Variants in AGMO observed in about 807,000 individuals in gnomAD.
AGMO encodes the protein alkylglycerol monooxygenase.
AGMO carries 75 observed loss-of-function variants against 60.2 expected under a neutral mutation model. The ratio of observed to expected loss-of-function variants is 1.25; its 90% CI spans 1.03 to 1.51. The LOEUF (loss-of-function observed/expected upper bound fraction) is 1.51. AGMO is among the 40% of genes most tolerant of loss of function. The pLI, the probability that AGMO is intolerant of heterozygous loss-of-function variation, is 0.00. For missense variants in AGMO, 763 were observed against 525.5 expected (o/e 1.45, Z -4.42); for synonymous variants, 261 against 177.1 (o/e 1.47, Z -3.76).
chr7:15,321,051 A>G (rs952186439), intron 12 of AGMO, among the ~76,000 whole-genome samples: 1 of 152,140 alleles, frequency 6.6e-6, no homozygotes, highest in African/African-American at 2.4e-5. Flanking sequence ...TGAGAGGACT[A>G]TTTCATACAA....
the AGMO span, among the ~76,000 whole-genome samples, chr7:15,158,869 A>G: frequency 6.6e-6 from 1 of 152,206 alleles, no homozygotes; most frequent in Non-Finnish European, 1.5e-5. Context: ...ATAAAAATCA[A>G]GGCTGCAAGT....
chr7:15,344,754 A>C (rs1781973865), intron 12 of AGMO, among the ~76,000 whole-genome samples: 2 of 152,138 alleles, frequency 1.3e-5, no homozygotes, highest in Non-Finnish European at 2.9e-5. Context: ...CTCTCAAGAG[A>C]AGACTTTTCC....
At chr7:15,317,546 T>G (rs995177721) in intron 12 of AGMO, among the ~76,000 whole-genome samples, 1 of 152,152 alleles carries the variant, frequency 6.6e-6, no homozygotes, top group Non-Finnish European at 1.5e-5. Flanking sequence ...CCTAACCTAT[T>G]GGTTTGTCTA....
intron 3 of AGMO, among the ~76,000 whole-genome samples, chr7:15,476,629 T>G: frequency 6.6e-6 from 1 of 152,146 alleles, no homozygotes. Flanking sequence ...CTGTTTAATT[T>G]GCAGTCTCTA....
At chr7:15,237,253 T>C (rs748909252) in intron 12 of AGMO, among the ~76,000 whole-genome samples, 1 of 152,170 alleles carries the variant, frequency 6.6e-6, no homozygotes, top group Non-Finnish European at 1.5e-5. Context: ...TACCATGTTA[T>C]ATGTTCTTTC....
rs537435327 is a variant in AGMO at position 15,280,095 on chromosome 7, T to C, written c.1264-78736A>G. ...CAGGGGGTGAGTGAGAAGCCTACTGTAGCCACGAGCACAGAAATTGGGCAC... is the reference window on the plus strand; with the variant it reads ...CAGGGGGTGAGTGAGAAGCCTACTGCAGCCACGAGCACAGAAATTGGGCAC... On this transcript the variant is annotated intron_variant, in intron 12 of 12. Transcript: ENST00000342526. 1.3e-4 allele frequency among the ~76,000 whole-genome samples: 20 copies of C among 152,248 alleles called. No homozygotes were observed. In the South Asian group the frequency reaches 4.1e-3, roughly 32 times the overall value.
At chr7:15,247,457 C>CAGAGAGAGAGAGAG (rs1264615405) in intron 12 of AGMO, among the ~76,000 whole-genome samples, 3 of 119,410 alleles carry the variant, frequency 2.5e-5, no homozygotes, top group African/African-American at 1.0e-4. Flanking sequence ...CACACACACA[C>CAGAGAGAGAGAGAG]ACAGAGAGAG....
intron 3 of AGMO, among the ~76,000 whole-genome samples, chr7:15,498,776 T>A (rs1176700311): frequency 6.6e-6 from 1 of 152,106 alleles, no homozygotes; most frequent in East Asian, 1.9e-4. Context: ...TCTGTTTTAT[T>A]GTGTTTTCAG....
chr7:15,333,398 T>A (rs1781557505), intron 12 of AGMO, among the ~76,000 whole-genome samples: 1 of 152,052 alleles, frequency 6.6e-6, no homozygotes, highest in African/African-American at 2.4e-5. Flanking sequence ...AAGTAAGAAA[T>A]AAAATGTGAC....
At chr7:15,235,515 G>T (rs1782390793) in intron 12 of AGMO, among the ~76,000 whole-genome samples, 1 of 152,054 alleles carries the variant, frequency 6.6e-6, no homozygotes, top group Non-Finnish European at 1.5e-5. Flanking sequence ...CTTCAAATTG[G>T]ATGCTGTTCA....
chr7:15,161,422 A>C, the AGMO span, among the ~76,000 whole-genome samples: 463 of 151,794 alleles, frequency 3.1e-3, 1 homozygote, highest in African/African-American at 9.2e-3. Context: ...CTCTCTCTCT[A>C]TATATAAATA....
intron 5 of AGMO, among the ~76,000 whole-genome samples, chr7:15,408,441 A>C (rs1479341742): frequency 6.6e-6 from 1 of 152,018 alleles, no homozygotes. Flanking sequence ...TAATTGATGA[A>C]GGATTATAAA....
At chr7:15,395,619 A>T (rs1784341490) in intron 5 of AGMO, among the ~76,000 whole-genome samples, 1 of 152,174 alleles carries the variant, frequency 6.6e-6, no homozygotes, top group Admixed American at 6.5e-5. Context: ...ACAAAGAAAA[A>T]AGGACAACTG....
chr7:15,229,345 T>C (rs566347191), intron 12 of AGMO, among the ~76,000 whole-genome samples: 103 of 152,008 alleles, frequency 6.8e-4, no homozygotes, highest in African/African-American at 2.4e-3. Context: ...AGGGATAATA[T>C]ATTTAAGATG....
intron 2 of AGMO, among the ~76,000 whole-genome samples, chr7:15,556,564 T>C (rs1234697736): frequency 2.6e-5 from 4 of 151,988 alleles, no homozygotes; most frequent in African/African-American, 9.7e-5. Flanking sequence ...AGCAGAAACA[T>C]TGGAAGGAAG....
At chr7:15,256,380 T>C (rs1005575307) in intron 12 of AGMO, among the ~76,000 whole-genome samples, 3 of 152,192 alleles carry the variant, frequency 2.0e-5, no homozygotes, top group Admixed American at 1.3e-4. Context: ...TCTCGCTCTG[T>C]CGCCCAGGCT....
intron 3 of AGMO, among the ~76,000 whole-genome samples, chr7:15,455,531 A>G (rs1781978663): frequency 6.6e-6 from 1 of 152,120 alleles, no homozygotes; most frequent in Non-Finnish European, 1.5e-5. Context: ...TCCTTTTTAC[A>G]AGATGCCGCT....
chr7:15,420,258 C>G (rs997941638), intron 4 of AGMO, among the ~76,000 whole-genome samples: 17 of 152,036 alleles, frequency 1.1e-4, no homozygotes, highest in Non-Finnish European at 4.4e-5. Context: ...TTCTTTAACA[C>G]AGGTCTTTTA....
At chr7:15,306,872 T>A (rs1780630751) in intron 12 of AGMO, among the ~76,000 whole-genome samples, 1 of 151,932 alleles carries the variant, frequency 6.6e-6, no homozygotes, top group African/African-American at 2.4e-5. Context: ...TAAGTTATAA[T>A]CATAACAGAG....
Sources: allele counts gnomAD v4.1 joint callset (sites outside exome capture counted in the v4.1 genomes callset), GRCh38; gene constraint gnomAD v4.1.1; transcripts MANE v1.5; gene names NCBI Gene and HGNC (gene_info 2026-07-23, HGNC 2026-07-21).